Variants in TMEM63B observed in about 807,000 individuals in gnomAD.
TMEM63B encodes the protein mechanosensitive cation channel TMEM63B.
Under a neutral mutation model 102.6 loss-of-function variants are expected in TMEM63B, and 23 were observed. The ratio of observed to expected loss-of-function variants is 0.22; its 90% CI spans 0.16 to 0.32. TMEM63B has a LOEUF of 0.32. TMEM63B is among the 10% of genes least tolerant of loss of function. The probability of loss-of-function intolerance (pLI) is 1.00; values close to 1 mark genes in which losing one functional copy is unlikely to be tolerated. For synonymous variants in TMEM63B, 444 were observed against 437.0 expected (o/e 1.02, Z -0.20); for missense variants, 628 against 1,095.9 (o/e 0.57, Z 6.03).
At position 44,134,899 on chromosome 6, in the gene TMEM63B, C is replaced by T. The variant is rs113051468; in HGVS notation, c.160-118C>T. 3.4e-4 allele frequency: 506 copies of T among 1,488,888 alleles called. 3 individuals carry two copies. The African/African-American group carries it at 6.0e-3, about 18-fold the overall frequency. The allele number at this position is 1,488,888 out of a possible 1,614,324, so 92.2% of individuals were successfully genotyped here. A position where few individuals can be genotyped will look rare whatever the true frequency, so the allele number is the denominator to read the frequency against. On this transcript the variant is annotated intron_variant, in intron 2 of 23. Transcript: ENST00000323267. Reference sequence around the variant, plus strand: ...AGCCCAAGCCTCGCCTTTGACCATTCACCCAAGCCAGGGTCATCCCCTTCT... The same window carrying T: ...AGCCCAAGCCTCGCCTTTGACCATTTACCCAAGCCAGGGTCATCCCCTTCT...
chr6:44,134,854 A>C, intron 2 of TMEM63B, 111 bp downstream of exon 2: 1 of 1,511,014 alleles, frequency 6.6e-7, no homozygotes, highest in Non-Finnish European at 9.0e-7. Context: ...AGGCTTAAGC[A>C]GGAGGAGTCC....
Position 44,152,097 on chromosome 6 carries a change from A to G in TMEM63B, c.1836+89A>G. The G allele has an allele frequency of 8.3e-6, 12 of 1,446,956 alleles. No individual in the cohort carries two copies. The highest frequency in any genetic ancestry group is 1.3e-5 in the South Asian group (1 of 75,726). 89.6% of individuals were successfully genotyped at this position (1,446,956 alleles called of 1,614,324 possible). On this transcript the variant is annotated intron_variant, in intron 19 of 23. Transcript: ENST00000323267. This position sits in a 1 kb window ranked among gnomAD's most constrained non-coding sequence, Gnocchi z 6.4. ...AGCCATCGCGCTAGGGTTGAGGGGC[A>G]CAGGAGGGCTGAGACTTGGGGAGTA...
At chr6:44,142,299 C>T (rs1027533612) in intron 10 of TMEM63B, among the ~76,000 whole-genome samples, 15 of 149,854 alleles carry the variant, frequency 1.0e-4, no homozygotes, top group African/African-American at 3.0e-4. Flanking sequence ...CATTGAGGGC[C>T]GGGAGTTTGA....
At chr6:44,140,835 A>G (rs1764098650) in intron 9 of TMEM63B, among the ~76,000 whole-genome samples, 193 bp from the exon 10 acceptor site, 1 of 151,454 alleles carries the variant, frequency 6.6e-6, no homozygotes, top group Non-Finnish European at 1.5e-5. Context: ...TGTTGGAAAC[A>G]CTCCCCTGCT....
At chr6:44,135,156 A>G in intron 3 of TMEM63B, 60 bp downstream of exon 3, 1 of 1,597,340 alleles carries the variant, frequency 6.3e-7, no homozygotes, top group South Asian at 1.1e-5. Context: ...CACACTCCTC[A>G]GGAATAGGAA....
At chr6:44,139,437 A>G (rs1015295133) in intron 6 of TMEM63B, 30 bp from the exon 7 acceptor site, 5 of 1,612,316 alleles carry the variant, frequency 3.1e-6, no homozygotes, top group Non-Finnish European at 4.2e-6. Flanking sequence ...GTCCTAACCT[A>G]ATTCCTTTGT....
intron 15 of TMEM63B, among the ~76,000 whole-genome samples, chr6:44,149,480 C>G (rs1040975284): frequency 6.6e-6 from 1 of 152,172 alleles, no homozygotes; most frequent in Non-Finnish European, 1.5e-5. Context: ...AGATAAGACC[C>G]AGACTGCATG....
chr6:44,129,165 C>T (rs990131681), intron 1 of TMEM63B, among the ~76,000 whole-genome samples: 1 of 151,960 alleles, frequency 6.6e-6, no homozygotes, highest in Non-Finnish European at 1.5e-5. Context: ...GTCAGGAGTT[C>T]GAGACCAGCC....
chr6:44,143,565 T>G (rs1326091525), intron 10 of TMEM63B, among the ~76,000 whole-genome samples: 1 of 87,810 alleles, frequency 1.1e-5, no homozygotes, highest in Non-Finnish European at 2.3e-5. Context: ...AATCTGGTGT[T>G]TGTTGTTTTT....
rs1403128566 is a variant in TMEM63B, at chr6:44,140,485, G to C, written c.711+125G>C. ...TTTGAATGCTGGCACAGCAGCTCAG[G>C]AGCTCCCATCCTGCAAGTTACATAA... On this transcript the variant is annotated intron_variant, in intron 9 of 23. Transcript: ENST00000323267. 4 of 766,402 alleles carry C rather than the reference G, an allele frequency of 5.2e-6. No homozygotes were observed. In the Admixed American group the frequency reaches 8.0e-5, roughly 15 times the overall value. The allele number at this position is 766,402 out of a possible 1,614,324, so 47.5% of individuals were successfully genotyped here.
At chr6:44,131,588 A>T (rs1451479837) in intron 1 of TMEM63B, among the ~76,000 whole-genome samples, 1 of 152,046 alleles carries the variant, frequency 6.6e-6, no homozygotes, top group Non-Finnish European at 1.5e-5. Flanking sequence ...GCGTGGTGGC[A>T]TGTGTCTGTA....
intron 10 of TMEM63B, among the ~76,000 whole-genome samples, chr6:44,146,576 G>A (rs1334113396): frequency 6.6e-6 from 1 of 151,966 alleles, no homozygotes; most frequent in Non-Finnish European, 1.5e-5. Context: ...TCAGCCTCCT[G>A]AGTAGCTGGG....
intron 5 of TMEM63B, among the ~76,000 whole-genome samples, chr6:44,136,671 A>G (rs535058055): frequency 7.5e-4 from 114 of 152,350 alleles, no homozygotes; most frequent in Non-Finnish European, 1.4e-3. Context: ...ACATTCATGA[A>G]TTCCCAACTT....
intron 5 of TMEM63B, 127 bp from the exon 6 acceptor site, chr6:44,138,353 T>A: frequency 1.7e-6 from 2 of 1,211,224 alleles, no homozygotes; most frequent in Non-Finnish European, 2.4e-6. Flanking sequence ...GTATAAGGAT[T>A]TTTTTTTAGT....
At chr6:44,136,300 G>A in intron 4 of TMEM63B, 49 bp from the exon 5 acceptor site, 1 of 1,543,130 alleles carries the variant, frequency 6.5e-7, no homozygotes, top group Non-Finnish European at 9.0e-7. Context: ...AGCTTCCCGG[G>A]GGCTCAGACT....
At position 44,150,118 on chromosome 6, in the gene TMEM63B, C is replaced by A; in HGVS notation, c.1521-106C>A. On this transcript the variant is annotated intron_variant, in intron 16 of 23. Transcript: ENST00000323267. The surrounding 1 kb of genome is among the most constrained non-coding windows in gnomAD (Gnocchi z 4.7). ...TGCCCAGCACCCTCACCTTGGGAGG[C>A]CCACCCTTCCCAGGGGACACTCCTT... is the stretch of plus-strand genomic sequence containing the variant. The A allele has an allele frequency of 1.5e-6, 2 of 1,352,414 alleles. No homozygotes were observed. Among genetic ancestry groups the A allele is most frequent in the Non-Finnish European group, 1.0e-6 (1 of 966,320 alleles). 83.8% of individuals were successfully genotyped at this position (1,352,414 alleles called of 1,614,324 possible).
chr6:44,128,151 G>A (rs933007697), intron 1 of TMEM63B, among the ~76,000 whole-genome samples: 4 of 152,132 alleles, frequency 2.6e-5, no homozygotes, highest in Admixed American at 6.5e-5. Flanking sequence ...TGCTGCTCCC[G>A]GGGGCGAGTA....
chr6:44,139,910 G>A, intron 8 of TMEM63B, 151 bp downstream of exon 8: 1 of 948,942 alleles, frequency 1.1e-6, no homozygotes, highest in Non-Finnish European at 1.6e-6. Flanking sequence ...AGACAGAAGA[G>A]GGAAATGCCT....
At chr6:44,136,549 T>G (rs75235749) in intron 5 of TMEM63B, 110 bp downstream of exon 5, 14,494 of 765,442 alleles carry the variant, frequency 0.019, 772 homozygotes, top group East Asian at 0.15. Context: ...TGGTTTGGCC[T>G]CCTCCTCAGC....
Sources: gnomAD v4.1 joint callset for allele counts (sites outside exome capture counted in the v4.1 genomes callset) on GRCh38, gnomAD v4.1.1 for gene constraint, Gnocchi (gnomAD v3.1) non-coding constraint, MANE v1.5 for transcripts, NCBI Gene and HGNC (gene_info 2026-07-23, HGNC 2026-07-21) for gene names.